The following ANKRD6 variants were observed in gnomAD, a reference collection of about 807,000 sequenced individuals.
ANKRD6 encodes ankyrin repeat domain 6.
In ANKRD6, 56 loss-of-function variants were observed where a neutral mutation model predicts 82.3. That is an observed-to-expected ratio of 0.68 (90% CI 0.55 to 0.85). The LOEUF (loss-of-function observed/expected upper bound fraction) is 0.85. ANKRD6 is among the 40% of genes least tolerant of loss of function. ANKRD6 has a pLI of 0.00. For synonymous variants in ANKRD6, 347 were observed against 352.1 expected, an observed-to-expected ratio of 0.99 and a Z score of 0.16; for missense variants, 852 against 907.6, an observed-to-expected ratio of 0.94 and a Z score of 0.79.
intron 1 of ANKRD6, among the ~76,000 whole-genome samples, chr6:89,460,278 A>G (rs993800634): frequency 6.6e-6 from 1 of 151,970 alleles, no homozygotes; most frequent in Admixed American, 6.6e-5. Context: ...AAGTTTTAAA[A>G]TATAATTTTC....
At position 89,621,576 on chromosome 6, in the gene ANKRD6, G is replaced by A. The variant is rs528943676; in HGVS notation, c.793-346G>A. 4 of 247,970 alleles carry A rather than the reference G, an allele frequency of 1.6e-5. No individual in the cohort carries two copies. The East Asian group carries it at 2.9e-4, about 18-fold the overall frequency. 15.4% of individuals were successfully genotyped at this position (247,970 alleles called of 1,614,324 possible). A position where few individuals can be genotyped will look rare whatever the true frequency, so the allele number is the denominator to read the frequency against. ...GCTGCGTTGCACAACTCCAGGAGAC[G>A]CCATTCATATCCTAGTTTATGTGAA... On this transcript the variant is annotated intron_variant, in intron 9 of 15. Coordinates refer to ENST00000339746, the MANE Select transcript of ANKRD6 (RefSeq NM_001242809.2).
At chr6:89,545,074 G>A (rs1257385924) in intron 1 of ANKRD6, among the ~76,000 whole-genome samples, 2 of 151,892 alleles carry the variant, frequency 1.3e-5, no homozygotes, top group African/African-American at 2.4e-5. Context: ...TTAGCAGGGC[G>A]TGGTGGCGGG....
At position 89,631,023 on chromosome 6, in the gene ANKRD6, A is replaced by T; in HGVS notation, c.*19A>T. 1 of 1,484,064 alleles carries T rather than the reference A, an allele frequency of 6.7e-7. No individual in the cohort carries two copies. The highest frequency in any genetic ancestry group is 1.4e-5 in the South Asian group (1 of 72,644). The allele number at this position is 1,484,064 out of a possible 1,614,324, so 91.9% of individuals were successfully genotyped here. A position where few individuals can be genotyped will look rare whatever the true frequency, so the allele number is the denominator to read the frequency against. ...AAATTAGCACCAATAAAGAGGAAAT[A>T]TGAAAGGATTCTTGAAGATTTCCAG... On this transcript the variant is annotated 3_prime_UTR_variant, in exon 16 of 16. Transcript: ENST00000339746.
chr6:89,548,861 T>C (rs1377341241), intron 1 of ANKRD6, among the ~76,000 whole-genome samples: 4 of 152,232 alleles, frequency 2.6e-5, no homozygotes, highest in African/African-American at 4.8e-5. Context: ...TCCATTTCTG[T>C]TATCTCTGCT....
At chr6:89,617,887 C>T (rs1278844729) in intron 8 of ANKRD6, 67 bp from the exon 9 acceptor site, 5 of 1,491,030 alleles carry the variant, frequency 3.4e-6, no homozygotes, top group Non-Finnish European at 3.7e-6. Flanking sequence ...CAGAGCTGTG[C>T]CAGCTGGGCT....
In ANKRD6 at chr6:89,436,876, C is replaced by T. The variant is rs140451570; in HGVS notation, c.-144+3501C>T. Among the ~76,000 whole-genome samples the T allele has an allele frequency of 6.6e-5, 10 of 152,252 alleles. No individual in the cohort carries two copies. The East Asian group carries it at 1.5e-3, about 24-fold the overall frequency. On this transcript the variant is annotated intron_variant, in intron 1 of 15. Transcript: ENST00000339746. ...ATTTCCCAGCTCTTCCTCATCCCGT[C>T]AAGGGGGAAGAGATGGAAGAAATAG...
At chr6:89,553,506 TC>T (rs971581449) in intron 1 of ANKRD6, among the ~76,000 whole-genome samples, 1 of 152,186 alleles carries the variant, frequency 6.6e-6, no homozygotes, top group Non-Finnish European at 1.5e-5. Context: ...AGCAAAGGCT[TC>T]CCTTTGCCAT....
chr6:89,614,852 C>CAA (rs1207448561), intron 7 of ANKRD6, among the ~76,000 whole-genome samples: 6,038 of 118,114 alleles, frequency 0.051, 170 homozygotes, highest in Non-Finnish European at 0.078. Context: ...AAAAAAAAAA[C>CAA]AAAAAAAAAA....
chr6:89,541,777 CTATA>C (rs548414298), intron 1 of ANKRD6, among the ~76,000 whole-genome samples: 427 of 151,368 alleles, frequency 2.8e-3, no homozygotes, highest in African/African-American at 9.6e-3. Flanking sequence ...TTGTCAGTTC[CTATA>C]TATAGTTTTC....
At chr6:89,545,020 T>C (rs1784901420) in intron 1 of ANKRD6, among the ~76,000 whole-genome samples, 1 of 151,892 alleles carries the variant, frequency 6.6e-6, no homozygotes, top group Non-Finnish European at 1.5e-5. Context: ...CAGACCATCC[T>C]GGCTAACACG....
chr6:89,599,794 G>A (rs1333578785), intron 3 of ANKRD6, among the ~76,000 whole-genome samples: 1 of 152,204 alleles, frequency 6.6e-6, no homozygotes, highest in Non-Finnish European at 1.5e-5. Context: ...TTCAAAGCCT[G>A]AGAAAGCGTA....
chr6:89,588,629 T>C (rs1433929965), intron 2 of ANKRD6, among the ~76,000 whole-genome samples: 5 of 152,230 alleles, frequency 3.3e-5, no homozygotes, highest in African/African-American at 1.2e-4. Flanking sequence ...TTATACAACC[T>C]TTCCCTACTC....
At chr6:89,591,020 G>A (rs775446826) in intron 2 of ANKRD6, among the ~76,000 whole-genome samples, 6 of 152,214 alleles carry the variant, frequency 3.9e-5, no homozygotes, top group Admixed American at 2.0e-4. Context: ...CAGGGCCTAG[G>A]TTGAGTTAAG....
At chr6:89,625,151 CACACA>C (rs1207244011) in intron 13 of ANKRD6, among the ~76,000 whole-genome samples, 1 of 152,012 alleles carries the variant, frequency 6.6e-6, no homozygotes, top group East Asian at 1.9e-4. Context: ...GGTGTGGTGG[CACACA>C]CCTATAATCC....
intron 1 of ANKRD6, among the ~76,000 whole-genome samples, chr6:89,548,423 A>G (rs555336197): frequency 6.6e-6 from 1 of 152,330 alleles, no homozygotes; most frequent in South Asian, 2.1e-4. Flanking sequence ...TTTGTTTATC[A>G]GTTCACCATT....
At chr6:89,571,953 C>A (rs1267147148) in intron 2 of ANKRD6, among the ~76,000 whole-genome samples, 1 of 152,212 alleles carries the variant, frequency 6.6e-6, no homozygotes, top group Admixed American at 6.5e-5. Flanking sequence ...CAATCCCTGG[C>A]AACCACTGGA....
At chr6:89,463,635 G>A (rs1333472884) in intron 1 of ANKRD6, among the ~76,000 whole-genome samples, 1 of 152,008 alleles carries the variant, frequency 6.6e-6, no homozygotes, top group African/African-American at 2.4e-5. Context: ...TGCAACCTCC[G>A]CCTCCTGGGT....
chr6:89,440,705 C>G (rs986890510), intron 1 of ANKRD6, among the ~76,000 whole-genome samples: 1 of 151,726 alleles, frequency 6.6e-6, no homozygotes, highest in Non-Finnish European at 1.5e-5. Context: ...GTGGGAGGAT[C>G]GATCGCTTGA....
At chr6:89,530,581 G>A (rs1251779110) in intron 1 of ANKRD6, among the ~76,000 whole-genome samples, 1 of 152,178 alleles carries the variant, frequency 6.6e-6, no homozygotes, top group Non-Finnish European at 1.5e-5. Flanking sequence ...TGCTTTCAGG[G>A]AGAGGGAGAC....
Sources: allele counts gnomAD v4.1 joint callset (sites outside exome capture counted in the v4.1 genomes callset), GRCh38; gene constraint gnomAD v4.1.1; transcripts MANE v1.5; gene names NCBI Gene and HGNC (gene_info 2026-07-23, HGNC 2026-07-21).